Variants in LAMA2 observed in about 807,000 individuals in gnomAD.
The protein encoded by LAMA2 is laminin subunit alpha 2.
LAMA2 carries 269 observed loss-of-function variants against 364.8 expected under a neutral mutation model. That is an observed-to-expected ratio of 0.74 (90% confidence interval 0.67 to 0.82). The LOEUF is 0.82. Among genes scored for constraint, LAMA2 ranks in the 40% least tolerant of loss-of-function variants. LAMA2 has a pLI of 0.00. For synonymous variants in LAMA2, 1,379 were observed against 1,370.6 expected (o/e 1.01, Z -0.14); for missense variants, 3,807 against 3,873.2 (o/e 0.98, Z 0.45).
chr6:129,161,239 G>GT (rs765231666), intron 8 of LAMA2, among the ~76,000 whole-genome samples: 12 of 151,998 alleles, frequency 7.9e-5, no homozygotes, highest in Non-Finnish European at 1.5e-4. Context: ...TGTATGGTAT[G>GT]TTTTTTCTGA....
chr6:129,416,366 A>T (rs1278118100), intron 40 of LAMA2, among the ~76,000 whole-genome samples: 3 of 152,070 alleles, frequency 2.0e-5, no homozygotes, highest in Non-Finnish European at 4.4e-5. Context: ...TTCAAATTTT[A>T]AATTAATTAA....
At chr6:128,948,049 G>A (rs1187885900) in intron 1 of LAMA2, among the ~76,000 whole-genome samples, 2 of 152,074 alleles carry the variant, frequency 1.3e-5, no homozygotes, top group South Asian at 4.1e-4. Context: ...GAGATGAAAG[G>A]GTGGGGAGTT....
intron 12 of LAMA2, among the ~76,000 whole-genome samples, chr6:129,230,017 A>G (rs763279259): frequency 2.0e-5 from 3 of 152,178 alleles, no homozygotes; most frequent in Non-Finnish European, 2.9e-5. Flanking sequence ...AAATGTTTGA[A>G]TCATCAATCC....
At chr6:129,353,141 G>T in intron 31 of LAMA2, 23 bp from the exon 32 acceptor site, 1 of 1,598,356 alleles carries the variant, frequency 6.3e-7, no homozygotes, top group Non-Finnish European at 8.6e-7. Flanking sequence ...AACCTCTTTT[G>T]CTTTGTCACT....
intron 20 of LAMA2, among the ~76,000 whole-genome samples, chr6:129,295,970 T>C (rs1343624529): frequency 6.6e-6 from 1 of 151,982 alleles, no homozygotes; most frequent in South Asian, 2.1e-4. Flanking sequence ...TGTTTCTGTT[T>C]GTGTGTCTGG....
intron 22 of LAMA2, among the ~76,000 whole-genome samples, chr6:129,302,776 A>G (rs932151134): frequency 3.9e-5 from 6 of 152,040 alleles, no homozygotes; most frequent in African/African-American, 1.2e-4. Context: ...TCAACTATAT[A>G]TATGTTTATG....
chr6:129,454,732 G>A (rs1450217980), intron 47 of LAMA2, among the ~76,000 whole-genome samples: 1 of 152,096 alleles, frequency 6.6e-6, no homozygotes, highest in African/African-American at 2.4e-5. Flanking sequence ...TAACATACCA[G>A]GTCCACCCTA....
rs541484286 is a variant in LAMA2, at chr6:129,371,823, G to A, written c.4959+1833G>A. On this transcript the variant is annotated intron_variant, in intron 34 of 64. Coordinates refer to ENST00000421865, the MANE Select transcript of LAMA2 (RefSeq NM_000426.4). ...CGGGTTTCACCATGTTCGTCAGGCTGGTCTTGAACTCCTGACCTTGTGATT... is the reference window on the plus strand; with the variant it reads ...CGGGTTTCACCATGTTCGTCAGGCTAGTCTTGAACTCCTGACCTTGTGATT... 4.6e-5 allele frequency among the ~76,000 whole-genome samples: 7 copies of A among 151,938 alleles called. No homozygotes were observed. In the South Asian group the frequency reaches 1.5e-3, roughly 32 times the overall value.
rs1201494412 is a variant in LAMA2, at chr6:128,883,249, C to T, written c.4C>T (p.Pro2Ser). 1.3e-6 allele frequency: 2 copies of T among 1,552,312 alleles called. No individual in the cohort carries two copies. Among genetic ancestry groups the T allele is most frequent in the African/African-American group, 1.4e-5 (1 of 73,440 alleles). ...GGATCCGGTCGCGGCCACTACGATG[C>T]CGGGAGCCGCCGGGGTCCTCCTCCT... M[P>S]GAAGVLLLLL... is the part of the protein sequence containing the mutation. The change falls in exon 1 of 65, where the codon CCG (proline) becomes TCG (serine). Residue 2 changes from proline to serine, a missense_variant. Physicochemically the swap from Pro to Ser is moderately conservative, Grantham distance 74 (BLOSUM62 -1). Transcript: ENST00000421865.
At position 129,267,073 on chromosome 6, in the gene LAMA2, C is replaced by T. The variant is rs566478066; in HGVS notation, c.2209-33C>T. ...CAAAAACACCTTTTTGTTTTAATCT[C>T]CAAGACTGACTAAAGCCTTATCTTT... On this transcript the variant is annotated intron_variant, in intron 15 of 64. Coordinates refer to ENST00000421865, the MANE Select transcript of LAMA2 (RefSeq NM_000426.4). 2.8e-5 allele frequency: 38 copies of T among 1,366,202 alleles called. No homozygotes were observed. The South Asian group carries it at 4.2e-4, about 15-fold the overall frequency. 84.6% of individuals were successfully genotyped at this position (1,366,202 alleles called of 1,614,324 possible). A position where few individuals can be genotyped will look rare whatever the true frequency, so the allele number is the denominator to read the frequency against.
intron 4 of LAMA2, among the ~76,000 whole-genome samples, chr6:129,106,070 T>G (rs906723953): frequency 6.6e-6 from 1 of 152,166 alleles, no homozygotes; most frequent in Non-Finnish European, 1.5e-5. Flanking sequence ...TCAATGGAAC[T>G]TAGATTCACT....
chr6:129,388,672 T>TAC (rs1489793369), intron 35 of LAMA2, among the ~76,000 whole-genome samples: 2 of 152,160 alleles, frequency 1.3e-5, no homozygotes, highest in African/African-American at 4.8e-5. Context: ...AGCTGATTTA[T>TAC]ACACGCACAC....
chr6:129,041,153 A>C (rs1291344817), intron 1 of LAMA2, among the ~76,000 whole-genome samples: 1 of 152,184 alleles, frequency 6.6e-6, no homozygotes, highest in African/African-American at 2.4e-5. Context: ...CCAGACAACA[A>C]CCTTCTTCTT....
Position 129,200,342 on chromosome 6 carries a change from A to ATATGTGTACACATATACATATACACGTG in LAMA2, c.1782+7509_1782+7536dup, listed in dbSNP as rs775504308. Among the ~76,000 whole-genome samples the ATATGTGTACACATATACATATACACGTG allele has an allele frequency of 7.1e-3, 862 of 121,104 alleles. 39 individuals are homozygous for ATATGTGTACACATATACATATACACGTG. Among genetic ancestry groups the ATATGTGTACACATATACATATACACGTG allele is most frequent in the Middle Eastern group, 0.014 (3 of 216 alleles). The allele number at this position is 121,104 out of a possible 152,430, so 79.4% of individuals were successfully genotyped here. Reference sequence around the variant, plus strand: ...CGTGTACACATATACATATACACGTATATGTGTACACATATACATATACAC... The same window carrying ATATGTGTACACATATACATATACACGTG: ...CGTGTACACATATACATATACACGTATATGTGTACACATATACATATACACGTGTATGTGTACACATATACATATACAC... On this transcript the variant is annotated intron_variant, in intron 12 of 64. Coordinates refer to ENST00000421865, the MANE Select transcript of LAMA2 (RefSeq NM_000426.4).
In LAMA2 at chr6:129,267,110, G is replaced by T; in HGVS notation, c.2213G>T (p.Cys738Phe). The change falls in exon 16 of 65, where the codon TGT becomes TTT. Residue 738 changes from cysteine to phenylalanine, a missense_variant. Physicochemically the swap from Cys to Phe is radical, Grantham distance 205. Around this residue, in one of 3 missense-constraint regions of LAMA2, gnomAD observed 3,333 missense variants for 3,345.7 expected, o/e 1.00. Coordinates refer to ENST00000421865, the MANE Select transcript of LAMA2 (RefSeq NM_000426.4). The stretch of plus-strand genomic sequence containing the variant: ...AAAGCCTTATCTTTCTCTCAGTCTT[G>T]TTGGCCTAGGCACAGGCGAGTTAAC... Reference protein sequence around the residue: ...PGYTGSSCESCWPRHRRVNGT... With the variant: ...PGYTGSSCESFWPRHRRVNGT... The T allele has an allele frequency of 1.2e-6, 2 of 1,603,780 alleles. No homozygotes were observed. The highest frequency in any genetic ancestry group is 1.7e-6 in the Non-Finnish European group (2 of 1,170,780).
intron 30 of LAMA2, 100 bp downstream of exon 30, chr6:129,342,567 A>T: frequency 8.6e-7 from 1 of 1,165,492 alleles, no homozygotes; most frequent in Non-Finnish European, 1.2e-6. Flanking sequence ...GTAGACAAAA[A>T]TCTCAATTTA....
chr6:129,169,070 A>G (rs985432769), intron 9 of LAMA2, among the ~76,000 whole-genome samples: 3 of 152,106 alleles, frequency 2.0e-5, no homozygotes, highest in African/African-American at 4.8e-5. Flanking sequence ...GACTGAGACA[A>G]TGGGGTTTTC....
At chr6:129,464,092 C>T (rs1783408395) in intron 49 of LAMA2, among the ~76,000 whole-genome samples, 198 bp from the exon 50 acceptor site, 1 of 151,866 alleles carries the variant, frequency 6.6e-6, no homozygotes. Flanking sequence ...TTGCACACCT[C>T]ATGAAAGGTG....
intron 1 of LAMA2, among the ~76,000 whole-genome samples, chr6:128,925,645 T>A (rs1329518157): frequency 3.9e-5 from 6 of 152,204 alleles, no homozygotes; most frequent in African/African-American, 1.2e-4. Context: ...TAAAAATGGT[T>A]ACAATGATGA....
Sources: allele counts gnomAD v4.1 joint callset (sites outside exome capture counted in the v4.1 genomes callset), GRCh38; gene constraint gnomAD v4.1.1; regional missense constraint gnomAD v4.1.1; transcripts MANE v1.5; gene names NCBI Gene and HGNC (gene_info 2026-07-23, HGNC 2026-07-21).